Variants in PDE7A observed in about 807,000 individuals in gnomAD.
PDE7A encodes the protein phosphodiesterase 7A, also known as high affinity 3',5'-cyclic-AMP phosphodiesterase 7A.
Under a neutral mutation model 64.3 loss-of-function variants are expected in PDE7A, and 39 were observed. The observed-to-expected ratio is 0.61, with a 90% CI of 0.47 to 0.79. The LOEUF (loss-of-function observed/expected upper bound fraction) is 0.79. Ranked by LOEUF, PDE7A falls within the 30% of genes least tolerant of loss-of-function variation. The probability of loss-of-function intolerance (pLI) is 0.00; values close to 1 mark genes in which losing one functional copy is unlikely to be tolerated. For synonymous variants in PDE7A, 203 were observed against 206.8 expected (o/e 0.98, Z 0.16); for missense variants, 470 against 582.8 (o/e 0.81, Z 1.99).
intron 3 of PDE7A, among the ~76,000 whole-genome samples, chr8:65,762,761 C>T (rs1248993015): frequency 6.6e-6 from 1 of 152,012 alleles, no homozygotes; most frequent in Non-Finnish European, 1.5e-5. Flanking sequence ...AGTATAACTT[C>T]ATCCTGAAAA....
At chr8:65,827,294 T>G (rs950576386) in intron 1 of PDE7A, among the ~76,000 whole-genome samples, 1 of 152,228 alleles carries the variant, frequency 6.6e-6, no homozygotes, top group Non-Finnish European at 1.5e-5. Context: ...TTCAGCCTAC[T>G]GATCTGTATG....
chr8:65,727,023 A>G (rs1316004694), intron 8 of PDE7A, 57 bp from the exon 9 acceptor site: 5 of 1,035,900 alleles, frequency 4.8e-6, no homozygotes, highest in African/African-American at 1.6e-5. Context: ...TGGACATATC[A>G]TTACTAACAA....
chr8:65,815,188 TTTAAA>T (rs1185699441), intron 1 of PDE7A, among the ~76,000 whole-genome samples: 1 of 152,208 alleles, frequency 6.6e-6, no homozygotes, highest in African/African-American at 2.4e-5. Flanking sequence ...ATAACTAGGT[TTTAAA>T]TTAAATACAT....
intron 9 of PDE7A, among the ~76,000 whole-genome samples, chr8:65,726,365 T>G (rs1054403065): frequency 6.6e-6 from 1 of 152,168 alleles, no homozygotes; most frequent in African/African-American, 2.4e-5. Context: ...TTTTTTCCAT[T>G]CATTATTATA....
chr8:65,817,752 GTT>G (rs145545830), intron 1 of PDE7A, among the ~76,000 whole-genome samples: 260 of 109,994 alleles, frequency 2.4e-3, no homozygotes, highest in Admixed American at 3.9e-3. Context: ...ATCAAGGAGT[GTT>G]TTTTTTTTTT....
Position 65,719,320 on chromosome 8 carries a change from C to T in PDE7A, c.1419G>A (p.Gln473=), listed in dbSNP as rs749390870. The T allele has an allele frequency of 4.3e-6, 7 of 1,613,868 alleles. No homozygotes were observed. The African/African-American group carries it at 5.3e-5, about 12-fold the overall frequency. Residue 473 remains glutamine (Q), a synonymous_variant, in exon 13 of 13, where the codon CAG becomes CAA. Coordinates refer to ENST00000401827, the MANE Select transcript of PDE7A (RefSeq NM_001242318.3). ...ATAACCGATTTTCCTGAGGTAATAA[C>T]TGTGAGTTCAACTCAAATGCAGCAT... is the stretch of plus-strand genomic sequence containing the variant. ...DTDAAFELNS[Q]LLPQENRLS
At chr8:65,764,878 A>G (rs1808691531) in intron 3 of PDE7A, among the ~76,000 whole-genome samples, 1 of 152,246 alleles carries the variant, frequency 6.6e-6, no homozygotes, top group Admixed American at 6.5e-5. Flanking sequence ...AGACAATATG[A>G]GACACATGAT....
In PDE7A at chr8:65,763,352, G is replaced by A. The variant is rs191681897; in HGVS notation, c.284-15549C>T. On this transcript the variant is annotated intron_variant, in intron 3 of 12. Coordinates refer to ENST00000401827, the MANE Select transcript of PDE7A (RefSeq NM_001242318.3). ...AGGCTGAGGCGGGTGGATCACCTGAGGTCAGAAGTTCGAGACCAGCCTGAC... is the reference window on the plus strand; with the variant it reads ...AGGCTGAGGCGGGTGGATCACCTGAAGTCAGAAGTTCGAGACCAGCCTGAC... Among the ~76,000 whole-genome samples, 1,121 of 152,204 alleles carry A rather than the reference G, an allele frequency of 7.4e-3. 7 individuals are homozygous for A. The highest frequency in any genetic ancestry group is 0.024 in the African/African-American group (1,015 of 41,522).
At chr8:65,727,466 G>C (rs550172286) in intron 7 of PDE7A, 165 bp from the exon 8 acceptor site, 1 of 884,414 alleles carries the variant, frequency 1.1e-6, no homozygotes, top group Non-Finnish European at 1.7e-6. Flanking sequence ...ACATCTGCCA[G>C]GTCCTGATCT....
At chr8:65,800,294 A>T (rs959491298) in intron 1 of PDE7A, among the ~76,000 whole-genome samples, 4 of 152,076 alleles carry the variant, frequency 2.6e-5, no homozygotes, top group Non-Finnish European at 5.9e-5. Flanking sequence ...GCCAGTTAAC[A>T]TTTTTCTACT....
At chr8:65,774,503 T>G (rs1381857361) in intron 3 of PDE7A, among the ~76,000 whole-genome samples, 1 of 152,054 alleles carries the variant, frequency 6.6e-6, no homozygotes, top group African/African-American at 2.4e-5. Flanking sequence ...TCTAACATAT[T>G]GGTTCTCAGG....
chr8:65,717,694 A>C lies in PDE7A; in HGVS notation c.*1596T>G, dbSNP rs1028002177. The C allele has an allele frequency of 6.6e-6, 1 of 152,252 alleles. No individual in the cohort carries two copies. The highest frequency in any genetic ancestry group is 1.5e-5 in the Non-Finnish European group (1 of 68,042). The allele number at this position is 152,252 out of a possible 1,614,324, so 9.4% of individuals were successfully genotyped here. ...GTCAAAGATAAAAATATGAAAAGAT[A>C]GGTTTTTATTCATCAAAAGTTAACA... On this transcript the variant is annotated 3_prime_UTR_variant, in exon 13 of 13. Transcript: ENST00000401827.
At position 65,841,597 on chromosome 8, in the gene PDE7A, CG is replaced by C; in HGVS notation, c.-90del. 1 of 527,474 alleles carries C rather than the reference CG, an allele frequency of 1.9e-6. No homozygotes were observed. The highest frequency in any genetic ancestry group is 7.1e-5 in the East Asian group (1 of 14,058). The allele number at this position is 527,474 out of a possible 1,614,324, so 32.7% of individuals were successfully genotyped here. A position where few individuals can be genotyped will look rare whatever the true frequency, so the allele number is the denominator to read the frequency against. On this transcript the variant is annotated 5_prime_UTR_variant, in exon 1 of 13. Transcript: ENST00000401827. Reference sequence around the variant, plus strand: ...GGAGGGGGCCGCGGCTCGGGGGCTCCGGGCCGAGACGGGGGCAGGGCGGGCG... The same window carrying C: ...GGAGGGGGCCGCGGCTCGGGGGCTCCGGCCGAGACGGGGGCAGGGCGGGCG...
chr8:65,759,580 A>G (rs1264070073), intron 3 of PDE7A, among the ~76,000 whole-genome samples: 1 of 152,200 alleles, frequency 6.6e-6, no homozygotes, highest in Non-Finnish European at 1.5e-5. Context: ...TAAGTGTCCA[A>G]TCAGGGCCCA....
chr8:65,783,920 C>T (rs957321539), intron 1 of PDE7A, among the ~76,000 whole-genome samples: 1 of 152,048 alleles, frequency 6.6e-6, no homozygotes, highest in Non-Finnish European at 1.5e-5. Flanking sequence ...AATCTAAGCT[C>T]TGTGGAGGCA....
intron 3 of PDE7A, among the ~76,000 whole-genome samples, chr8:65,766,543 T>G (rs1808794601): frequency 6.6e-6 from 1 of 152,196 alleles, no homozygotes; most frequent in South Asian, 2.1e-4. Flanking sequence ...AGGGAGCCTG[T>G]TAGAACACGT....
chr8:65,777,350 A>G, intron 3 of PDE7A, among the ~76,000 whole-genome samples: 1 of 152,140 alleles, frequency 6.6e-6, no homozygotes, highest in Non-Finnish European at 1.5e-5. Flanking sequence ...AAGTGCTGGG[A>G]TTACAAGCGT....
rs1368842058 is a variant in PDE7A at position 65,739,555 on chromosome 8, TG to T, written c.541del (p.His181MetfsTer3). The T allele has an allele frequency of 6.4e-7, 1 of 1,564,322 alleles. No individual in the cohort carries two copies. The highest frequency in any genetic ancestry group is 8.6e-7 in the Non-Finnish European group (1 of 1,160,738). ...VSLTFHLFSL[H>X]GLIEYFHLDM... The stretch of plus-strand genomic sequence containing the variant: ...TAAATGGAAGTACTCAATTAATCCA[TG>T]AAGACTAAATAAATGAAAGGTTAAG... On this transcript the variant is annotated frameshift_variant, in exon 6 of 13. Coordinates refer to ENST00000401827, the MANE Select transcript of PDE7A (RefSeq NM_001242318.3). LOFTEE classifies it high-confidence loss of function.
At chr8:65,811,656 T>G (rs2128930002) in intron 1 of PDE7A, among the ~76,000 whole-genome samples, 1 of 152,362 alleles carries the variant, frequency 6.6e-6, no homozygotes, top group Admixed American at 6.5e-5. Context: ...TCCTTTTAAC[T>G]CTCACATGGT....
Sources: gnomAD v4.1 joint callset for allele counts (sites outside exome capture counted in the v4.1 genomes callset) on GRCh38, gnomAD v4.1.1 for gene constraint, MANE v1.5 for transcripts, NCBI Gene and HGNC (gene_info 2026-07-23, HGNC 2026-07-21) for gene names.